VAT1L: variants seen among roughly 807,000 people sequenced by gnomAD.
VAT1L encodes the protein putative NADPH-dependent quinone oxidoreductase VAT1L.
In VAT1L, 34 loss-of-function variants were observed where a neutral mutation model predicts 44.1. The ratio of observed to expected loss-of-function variants is 0.77; its 90% CI spans 0.59 to 1.03. VAT1L has a LOEUF of 1.03. Among genes scored for constraint, VAT1L ranks in the 50% least tolerant of loss-of-function variants. The probability of loss-of-function intolerance (pLI) is 0.00; values close to 1 mark genes in which losing one functional copy is unlikely to be tolerated. For missense variants in VAT1L, 615 were observed against 538.8 expected (o/e 1.14, Z -1.40); for synonymous variants, 253 against 202.2 (o/e 1.25, Z -2.13).
chr16:77,816,553 T>G (rs2016358311), intron 1 of VAT1L, among the ~76,000 whole-genome samples: 1 of 152,190 alleles, frequency 6.6e-6, no homozygotes, highest in African/African-American at 2.4e-5. Context: ...TCTTTTACCT[T>G]TGATTAAGTA....
chr16:77,956,929 G>C (rs764060154), intron 7 of VAT1L, among the ~76,000 whole-genome samples: 1 of 152,154 alleles, frequency 6.6e-6, no homozygotes, highest in Admixed American at 6.5e-5. Context: ...GGATTATAGA[G>C]TCAACGTATC....
At chr16:77,833,683 G>A (rs368183235) in intron 3 of VAT1L, among the ~76,000 whole-genome samples, 2 of 152,008 alleles carry the variant, frequency 1.3e-5, no homozygotes, top group Admixed American at 6.5e-5. Context: ...CCAGGGAGTC[G>A]GAGGTTGCAG....
intron 7 of VAT1L, among the ~76,000 whole-genome samples, chr16:77,911,721 T>G (rs1201079924): frequency 6.6e-6 from 1 of 151,636 alleles, no homozygotes; most frequent in Non-Finnish European, 1.5e-5. Context: ...TCCACACGAG[T>G]GTACACAAGG....
chr16:77,797,120 T>TC (rs1223230546), intron 1 of VAT1L, among the ~76,000 whole-genome samples: 1 of 151,820 alleles, frequency 6.6e-6, no homozygotes, highest in East Asian at 1.9e-4. Flanking sequence ...TTAAATCTTT[T>TC]TTTTTTTTTG....
At chr16:77,936,152 C>A (rs939113749) in intron 7 of VAT1L, among the ~76,000 whole-genome samples, 1 of 152,146 alleles carries the variant, frequency 6.6e-6, no homozygotes, top group Admixed American at 6.5e-5. Context: ...TGGGGAAAGA[C>A]CTGGTAGGTA....
chr16:77,908,578 G>A (rs2017465093), intron 7 of VAT1L, among the ~76,000 whole-genome samples: 2 of 149,966 alleles, frequency 1.3e-5, no homozygotes, highest in Non-Finnish European at 3.0e-5. Context: ...TGCAGAAGAA[G>A]AGGTGCTCAT....
chr16:77,959,701 T>A (rs2018141380), intron 7 of VAT1L, among the ~76,000 whole-genome samples: 1 of 152,196 alleles, frequency 6.6e-6, no homozygotes, highest in Non-Finnish European at 1.5e-5. Flanking sequence ...AAAAAGGAAG[T>A]TGGCTACTAT....
intron 5 of VAT1L, among the ~76,000 whole-genome samples, chr16:77,877,775 A>C (rs1276558622): frequency 6.6e-6 from 1 of 152,068 alleles, no homozygotes; most frequent in Non-Finnish European, 1.5e-5. Flanking sequence ...ATATGCAAGC[A>C]TTTTTTTGTC....
chr16:77,828,577 C>T (rs910998178), intron 3 of VAT1L, among the ~76,000 whole-genome samples: 3 of 152,120 alleles, frequency 2.0e-5, no homozygotes, highest in Non-Finnish European at 4.4e-5. Flanking sequence ...GCAGGAGAAT[C>T]GCTTGAAGCC....
chr16:77,908,432 C>T (rs1272730561), intron 7 of VAT1L, among the ~76,000 whole-genome samples: 1 of 134,282 alleles, frequency 7.4e-6, no homozygotes, highest in Admixed American at 8.2e-5. Flanking sequence ...CCACTGCCCT[C>T]CAGGCTGGGG....
intron 2 of VAT1L, among the ~76,000 whole-genome samples, chr16:77,818,344 T>G (rs2016390324): frequency 6.6e-6 from 1 of 152,090 alleles, no homozygotes; most frequent in Admixed American, 6.5e-5. Flanking sequence ...TTGCCAATGG[T>G]TTTCAGATAA....
intron 7 of VAT1L, among the ~76,000 whole-genome samples, chr16:77,911,423 T>C (rs1039992934): frequency 5.9e-5 from 9 of 152,108 alleles, no homozygotes; most frequent in Non-Finnish European, 1.2e-4. Context: ...TTCTCTTAAA[T>C]TCATAAAAAC....
chr16:77,865,519 G>A (rs546572268), intron 4 of VAT1L, among the ~76,000 whole-genome samples: 75 of 152,278 alleles, frequency 4.9e-4, no homozygotes, highest in Admixed American at 1.0e-3. Flanking sequence ...GAGTCTTAAC[G>A]GAGGGAGAGG....
In VAT1L at chr16:77,951,853, A is replaced by AC. The variant is rs1555522076; in HGVS notation, c.1078-19996dup. On this transcript the variant is annotated intron_variant, in intron 7 of 8. Transcript: ENST00000302536. Reference sequence around the variant, plus strand: ...AAAGTTTAAAATTAAAAAAAAAAAAACACGAAAAAACAAACTGAAAGCTGT... The same window carrying AC: ...AAAGTTTAAAATTAAAAAAAAAAAAACCACGAAAAAACAAACTGAAAGCTGT... Among the ~76,000 whole-genome samples the AC allele has an allele frequency of 6.2e-4, 92 of 149,076 alleles. 1 individual carries two copies. Among genetic ancestry groups the AC allele is most frequent in the Middle Eastern group, 3.6e-3 (1 of 280 alleles).
intron 7 of VAT1L, among the ~76,000 whole-genome samples, chr16:77,943,045 C>T (rs1255170427): frequency 6.7e-6 from 1 of 149,936 alleles, no homozygotes; most frequent in Non-Finnish European, 1.5e-5. Context: ...GTGCCCAGCC[C>T]ACCCTGTATT....
chr16:77,876,452 C>T lies in VAT1L; in HGVS notation c.805C>T (p.Leu269=), dbSNP rs61737699. The change falls in exon 5 of 9, where the codon CTG becomes TTG. Residue 269 remains leucine (L), a synonymous_variant. Coordinates refer to ENST00000302536, the MANE Select transcript of VAT1L (RefSeq NM_020927.3). ...AAAAGGTCTCAGTCTTCTCAAACCC[C>T]TGGGAACCTACATTTTATATGGTGA... ...TGKGLSLLKP[L]GTYILYGSSN... is the part of the protein sequence containing the mutation. The T allele has an allele frequency of 0.028, 44,954 of 1,614,064 alleles. 1,362 individuals carry two copies. The highest frequency in any genetic ancestry group is 0.12 in the African/African-American group (8,808 of 75,016).
intron 3 of VAT1L, among the ~76,000 whole-genome samples, chr16:77,838,790 C>T (rs920972672): frequency 6.7e-6 from 1 of 149,250 alleles, no homozygotes; most frequent in African/African-American, 2.5e-5. Flanking sequence ...TCTTCTTTTT[C>T]TCTCTCTCAT....
At chr16:77,925,210 G>T (rs2017653045) in intron 7 of VAT1L, among the ~76,000 whole-genome samples, 1 of 152,066 alleles carries the variant, frequency 6.6e-6, no homozygotes, top group African/African-American at 2.4e-5. Context: ...CTCACTCTCA[G>T]GTTCACGTGC....
At chr16:77,932,422 T>G (rs1222796481) in intron 7 of VAT1L, among the ~76,000 whole-genome samples, 1 of 152,160 alleles carries the variant, frequency 6.6e-6, no homozygotes, top group Non-Finnish European at 1.5e-5. Context: ...AGTAAATTTT[T>G]AAAATGCCAG....
Sources: gnomAD v4.1 joint callset for allele counts (sites outside exome capture counted in the v4.1 genomes callset) on GRCh38, gnomAD v4.1.1 for gene constraint, MANE v1.5 for transcripts, NCBI Gene and HGNC (gene_info 2026-07-23, HGNC 2026-07-21) for gene names.